Variants in PPP4C observed in about 807,000 individuals in gnomAD.
The protein encoded by PPP4C is serine/threonine-protein phosphatase 4 catalytic subunit.
PPP4C carries 10 observed loss-of-function variants against 40.5 expected under a neutral mutation model. The ratio of observed to expected loss-of-function variants is 0.25; its 90% CI spans 0.15 to 0.42. The LOEUF (loss-of-function observed/expected upper bound fraction) is 0.42. Ranked by LOEUF, PPP4C falls within the 10% of genes least tolerant of loss-of-function variation. The pLI, the probability that PPP4C is intolerant of heterozygous loss-of-function variation, is 1.00. For synonymous variants in PPP4C, 187 were observed against 163.6 expected, an observed-to-expected ratio of 1.14 and a Z score of -1.09; for missense variants, 191 against 416.4, an observed-to-expected ratio of 0.46 and a Z score of 4.71.
At chr16:30,079,132 T>A (rs1241517104) in intron 2 of PPP4C, among the ~76,000 whole-genome samples, 1 of 152,074 alleles carries the variant, frequency 6.6e-6, no homozygotes, top group Admixed American at 6.6e-5. Context: ...ATTTAGCCAC[T>A]CTCCAGCTTG....
chr16:30,084,275 CCACACACATACAGA>C (rs980923430), intron 7 of PPP4C, among the ~76,000 whole-genome samples: 3 of 151,390 alleles, frequency 2.0e-5, no homozygotes, highest in African/African-American at 4.9e-5. Context: ...TCCATCACAG[CCACACACATACAGA>C]CACACACATG....
In PPP4C at chr16:30,084,827, G is replaced by A. The variant is rs2072588420; in HGVS notation, c.766G>A (p.Val256Met). Residue 256 changes from valine (V) to methionine (M), a missense_variant, in exon 8 of 9, where the codon GTG becomes ATG. Coordinates refer to ENST00000279387, the MANE Select transcript of PPP4C (RefSeq NM_002720.3). ...KWHFNETVLT[V>M]WSAPNYCYRC... ...GCACTTCAATGAGACGGTGCTCACT[G>A]TGTGGTCGGCACCCAACTACTGCTA... 1 of 1,614,268 alleles carries A rather than the reference G, an allele frequency of 6.2e-7. No individual in the cohort carries two copies. The highest frequency in any genetic ancestry group is 8.5e-7 in the Non-Finnish European group (1 of 1,180,042).
At position 30,081,240 on chromosome 16, in the gene PPP4C, G is replaced by A; in HGVS notation, c.99-19G>A. The A allele has an allele frequency of 6.2e-7, 1 of 1,613,464 alleles. No homozygotes were observed. The highest frequency in any genetic ancestry group is 8.5e-7 in the Non-Finnish European group (1 of 1,179,742). On this transcript the variant is annotated intron_variant, in intron 2 of 8. Transcript: ENST00000279387. Reference sequence around the variant, plus strand: ...GGGCTGGCCTGGCTGTGGTGACCCTGGTCTTCTCCTGTCTCCAGAGAGATC... The same window carrying A: ...GGGCTGGCCTGGCTGTGGTGACCCTAGTCTTCTCCTGTCTCCAGAGAGATC...
intron 5 of PPP4C, 131 bp downstream of exon 5, chr16:30,082,978 C>G: frequency 1.2e-6 from 1 of 804,580 alleles, no homozygotes; most frequent in Non-Finnish European, 2.0e-6. Context: ...TGGACCGATT[C>G]TGCTTTTGGG....
chr16:30,083,412 A>C lies in PPP4C; in HGVS notation c.322A>C (p.Ile108Leu). The C allele has an allele frequency of 6.2e-7, 1 of 1,613,626 alleles. No homozygotes were observed. Among genetic ancestry groups the C allele is most frequent in the East Asian group, 2.2e-5 (1 of 44,866 alleles). ...LALKVRYPDR[I>L]TLIRGNHESR... is the part of the protein sequence containing the mutation. ...CCCCCAGGTTCGCTATCCTGATCGCATCACACTGATCCGGGGCAACCATGA... is the reference window on the plus strand; with the variant it reads ...CCCCCAGGTTCGCTATCCTGATCGCCTCACACTGATCCGGGGCAACCATGA... The change falls in exon 6 of 9, where the codon ATC becomes CTC. Residue 108 changes from isoleucine to leucine, a missense_variant. Transcript: ENST00000279387. This position sits in a 1 kb window ranked among gnomAD's most constrained non-coding sequence, Gnocchi z 6.3.
intron 4 of PPP4C, 93 bp from the exon 5 acceptor site, chr16:30,082,653 G>A (rs1415301794): frequency 6.5e-7 from 1 of 1,527,790 alleles, no homozygotes; most frequent in African/African-American, 1.4e-5. Flanking sequence ...CAAGTTAGAT[G>A]GGTGGTTGTG....
At position 30,085,253 on chromosome 16, in the gene PPP4C, C is replaced by T; in HGVS notation, c.*191C>T. On this transcript the variant is annotated 3_prime_UTR_variant, in exon 9 of 9. Coordinates refer to ENST00000279387, the MANE Select transcript of PPP4C (RefSeq NM_002720.3). Reference sequence around the variant, plus strand: ...AGCTCCATGTTCCTCCTCCTCTCTCCCCACTTGAACCATGAAGTTTCCAAT... The same window carrying T: ...AGCTCCATGTTCCTCCTCCTCTCTCTCCACTTGAACCATGAAGTTTCCAAT... The T allele has an allele frequency of 2.2e-6, 1 of 463,222 alleles. No homozygotes were observed. Among genetic ancestry groups the T allele is most frequent in the Non-Finnish European group, 3.7e-6 (1 of 269,436 alleles). The allele number at this position is 463,222 out of a possible 1,614,324, so 28.7% of individuals were successfully genotyped here.
intron 3 of PPP4C, among the ~76,000 whole-genome samples, chr16:30,082,066 A>G (rs895920198): frequency 2.8e-5 from 2 of 71,386 alleles, no homozygotes; most frequent in Admixed American, 1.4e-4. Context: ...AAAAAAAAAA[A>G]AGAAAGGAAA....
chr16:30,080,415 G>A lies in PPP4C; in HGVS notation c.99-844G>A, dbSNP rs1173958984. Among the ~76,000 whole-genome samples the A allele has an allele frequency of 2.7e-5, 4 of 150,146 alleles. No homozygotes were observed. In the East Asian group the frequency reaches 5.9e-4, roughly 22 times the overall value. On this transcript the variant is annotated intron_variant, in intron 2 of 8. Transcript: ENST00000279387. ...GTGATTTCATCTCCTGCTCACTCAA[G>A]TAGAAGTAGACTGCACTGCAAGGAG... is the stretch of plus-strand genomic sequence containing the variant.
Position 30,084,921 on chromosome 16 carries a change from C to G in PPP4C, c.795-12C>G. On this transcript the variant is annotated splice_polypyrimidine_tract_variant and intron_variant, in intron 8 of 8. Transcript: ENST00000279387. ...GCCGAGCTGCTCCTGACCCTGCTGCCCCGCCTTCCAGCTGTGGGAATGTGG... is the reference window on the plus strand; with the variant it reads ...GCCGAGCTGCTCCTGACCCTGCTGCGCCGCCTTCCAGCTGTGGGAATGTGG... 6.2e-7 allele frequency: 1 copy of G among 1,613,962 alleles called. No homozygotes were observed.
intron 2 of PPP4C, among the ~76,000 whole-genome samples, chr16:30,079,168 G>A (rs1362541676): frequency 1.3e-5 from 2 of 151,488 alleles, no homozygotes; most frequent in African/African-American, 2.4e-5. Context: ...CCGCTTTTCT[G>A]TAAGCTTTGG....
intron 2 of PPP4C, 67 bp from the exon 3 acceptor site, chr16:30,081,192 C>CA (rs755031171): frequency 3.7e-6 from 6 of 1,608,804 alleles, no homozygotes; most frequent in Non-Finnish European, 8.5e-7. Context: ...CCCCTCCCCC[C>CA]AAAAAAGGTC....
intron 5 of PPP4C, 137 bp downstream of exon 5, chr16:30,082,984 T>C (rs2072540135): frequency 1.3e-6 from 1 of 759,080 alleles, no homozygotes; most frequent in African/African-American, 1.8e-5. Flanking sequence ...GATTCTGCTT[T>C]TGGGGGTGGT....
rs981933720 is a variant in PPP4C at position 30,085,298 on chromosome 16, CCTT to C, written c.*240_*242del. 38 of 399,366 alleles carry C rather than the reference CCTT, an allele frequency of 9.5e-5. No homozygotes were observed. The highest frequency in any genetic ancestry group is 1.4e-4 in the Non-Finnish European group (32 of 227,072). The allele number at this position is 399,366 out of a possible 1,614,324, so 24.7% of individuals were successfully genotyped here. On this transcript the variant is annotated 3_prime_UTR_variant, in exon 9 of 9. Transcript: ENST00000279387. ...TCCAATAATTTTTTTTTCTTTTTTT[CCTT>C]CTTTTTTCTGTTTGTTTTTAGATAA...
At position 30,083,086 on chromosome 16, in the gene PPP4C, T is replaced by C; in HGVS notation, c.303+239T>C. 1.7e-6 allele frequency: 1 copy of C among 584,612 alleles called. No individual in the cohort carries two copies. The highest frequency in any genetic ancestry group is 3.0e-6 in the Non-Finnish European group (1 of 330,592). 36.2% of individuals were successfully genotyped at this position (584,612 alleles called of 1,614,324 possible). On this transcript the variant is annotated intron_variant, in intron 5 of 8. Coordinates refer to ENST00000279387, the MANE Select transcript of PPP4C (RefSeq NM_002720.3). This position sits in a 1 kb window ranked among gnomAD's most constrained non-coding sequence, Gnocchi z 6.3. ...GAATGTGGCAGGTCATTGATGCCACTGGTGGGAGAGGCAGTGTGGGGCCAG... is the reference window on the plus strand; with the variant it reads ...GAATGTGGCAGGTCATTGATGCCACCGGTGGGAGAGGCAGTGTGGGGCCAG...
chr16:30,077,271 TAAGATGATTGTG>T (rs1420210114), intron 2 of PPP4C, among the ~76,000 whole-genome samples: 3 of 152,210 alleles, frequency 2.0e-5, no homozygotes, highest in African/African-American at 7.2e-5. Flanking sequence ...TAGTACTTAA[TAAGATGATTGTG>T]AAGATTCAGT....
intron 2 of PPP4C, among the ~76,000 whole-genome samples, chr16:30,079,473 C>A (rs2072464089): frequency 6.6e-6 from 1 of 152,140 alleles, no homozygotes; most frequent in Non-Finnish European, 1.5e-5. Flanking sequence ...CAGGCATGAG[C>A]CACCGCGCCC....
Position 30,083,394 on chromosome 16 carries a change from G to A in PPP4C, c.304G>A (p.Val102Ile). The change falls in exon 6 of 9, where the codon GTT becomes ATT. Residue 102 changes from valine (V) to isoleucine (I), a missense_variant and splice_region_variant. Coordinates refer to ENST00000279387, the MANE Select transcript of PPP4C (RefSeq NM_002720.3). This position sits in a 1 kb window ranked among gnomAD's most constrained non-coding sequence, Gnocchi z 6.3. ...ETFLLLLALK[V>I]RYPDRITLIR... ...GCCCTGGCTTGGTGGCCACCCCCAG[G>A]TTCGCTATCCTGATCGCATCACACT... 1 of 1,606,926 alleles carries A rather than the reference G, an allele frequency of 6.2e-7. No homozygotes were observed. The highest frequency in any genetic ancestry group is 1.1e-5 in the South Asian group (1 of 91,008).
chr16:30,083,830 G>C lies in PPP4C; in HGVS notation c.604+49G>C. 1 of 1,606,310 alleles carries C rather than the reference G, an allele frequency of 6.2e-7. No individual in the cohort carries two copies. The highest frequency in any genetic ancestry group is 8.5e-7 in the Non-Finnish European group (1 of 1,177,354). On this transcript the variant is annotated intron_variant, in intron 7 of 8. Transcript: ENST00000279387. The surrounding 1 kb of genome is among the most constrained non-coding windows in gnomAD (Gnocchi z 6.3). ...GGCAGGGACAGCCAGGAGGGGTTGG[G>C]AAAGAGAGGGAGCAGGGCTGGTCTT...
Sources: gnomAD v4.1 joint callset for allele counts (sites outside exome capture counted in the v4.1 genomes callset) on GRCh38, gnomAD v4.1.1 for gene constraint, Gnocchi (gnomAD v3.1) non-coding constraint, MANE v1.5 for transcripts, NCBI Gene and HGNC (gene_info 2026-07-23, HGNC 2026-07-21) for gene names.